ATP6V0A2: variants seen among roughly 807,000 people sequenced by gnomAD.
ATP6V0A2 encodes the protein V-type proton ATPase 116 kDa subunit a 2.
Under a neutral mutation model 104.4 loss-of-function variants are expected in ATP6V0A2, and 58 were observed. The ratio of observed to expected loss-of-function variants is 0.56; its 90% confidence interval spans 0.45 to 0.69. The LOEUF (loss-of-function observed/expected upper bound fraction) is 0.69. Among genes scored for constraint, ATP6V0A2 ranks in the 30% least tolerant of loss-of-function variants. The probability of loss-of-function intolerance (pLI) is 0.00; values close to 1 mark genes in which losing one functional copy is unlikely to be tolerated. For synonymous variants in ATP6V0A2, 376 were observed against 397.9 expected (o/e 0.95, Z 0.65); for missense variants, 938 against 1,062.9 (o/e 0.88, Z 1.63).
At chr12:123,748,447 G>C in intron 14 of ATP6V0A2, 128 bp from the exon 15 acceptor site, 1 of 787,252 alleles carries the variant, frequency 1.3e-6, no homozygotes, top group African/African-American at 1.7e-5. Context: ...GATGTATCTG[G>C]ATTCATCATA....
At chr12:123,734,049 TTCAG>T in intron 7 of ATP6V0A2, 41 bp downstream of exon 7, 5 of 1,499,440 alleles carry the variant, frequency 3.3e-6, no homozygotes, top group Non-Finnish European at 4.6e-6. Context: ...TGTCTTTATA[TTCAG>T]TCACCTCTAG....
rs1239682814 is a variant in ATP6V0A2, at chr12:123,752,280, T to TA, written c.2056-2dup. 6 of 1,614,040 alleles carry TA rather than the reference T, an allele frequency of 3.7e-6. No individual in the cohort carries two copies. In the African/African-American group the frequency reaches 8.0e-5, roughly 22 times the overall value. ...ACTGACTCTGTGCTCTTTTGGTTGT[T>TA]AGAGTGGCTACACACTTATAAGGAA... On this transcript the variant is annotated splice_polypyrimidine_tract_variant and splice_region_variant and intron_variant, in intron 16 of 19. Transcript: ENST00000330342.
intron 1 of ATP6V0A2, among the ~76,000 whole-genome samples, chr12:123,716,788 CAAA>C (rs376468660): frequency 4.6e-4 from 59 of 127,828 alleles, no homozygotes; most frequent in Non-Finnish European, 5.5e-4. Context: ...GATCCTGTCT[CAAA>C]AAAAAAAAAA....
At chr12:123,714,574 C>T (rs1956322167) in intron 1 of ATP6V0A2, among the ~76,000 whole-genome samples, 1 of 152,102 alleles carries the variant, frequency 6.6e-6, no homozygotes, top group Non-Finnish European at 1.5e-5. Flanking sequence ...GAACAGGTTT[C>T]CTCTTTAGTC....
chr12:123,728,446 A>G (rs1301359956), intron 6 of ATP6V0A2, among the ~76,000 whole-genome samples: 1 of 139,900 alleles, frequency 7.1e-6, no homozygotes, highest in Non-Finnish European at 1.5e-5. Flanking sequence ...TGGGGATCTT[A>G]ACTATGCTGC....
intron 16 of ATP6V0A2, 113 bp downstream of exon 16, chr12:123,751,342 C>A: frequency 6.6e-7 from 1 of 1,503,902 alleles, no homozygotes; most frequent in Non-Finnish European, 9.2e-7. Context: ...ATTTAAAAGC[C>A]AAAGCTCCCT....
chr12:123,754,678 C>T, intron 18 of ATP6V0A2, 141 bp downstream of exon 18: 1 of 674,626 alleles, frequency 1.5e-6, no homozygotes, highest in South Asian at 1.6e-5. Flanking sequence ...CTATTCACTA[C>T]TTAATACACA....
At chr12:123,754,142 A>G in intron 17 of ATP6V0A2, 1 of 569,262 alleles carries the variant, frequency 1.8e-6, no homozygotes, top group South Asian at 2.3e-5. Context: ...CCTCTGGTCT[A>G]CCTTCTTGGT....
chr12:123,714,009 C>A (rs1459768533), intron 1 of ATP6V0A2, among the ~76,000 whole-genome samples: 1 of 152,206 alleles, frequency 6.6e-6, no homozygotes, highest in African/African-American at 2.4e-5. Flanking sequence ...TGCAGTTGTA[C>A]CCATTCACCT....
At chr12:123,740,990 G>A (rs1210033933) in intron 9 of ATP6V0A2, among the ~76,000 whole-genome samples, 3 of 151,608 alleles carry the variant, frequency 2.0e-5, no homozygotes, top group Non-Finnish European at 4.4e-5. Context: ...GAAACAGTAA[G>A]TTACAATGGT....
chr12:123,736,014 A>G (rs917776695), intron 8 of ATP6V0A2, among the ~76,000 whole-genome samples: 5 of 151,840 alleles, frequency 3.3e-5, no homozygotes, highest in African/African-American at 1.2e-4. Flanking sequence ...CCGGAATTAC[A>G]GTCACGCACC....
At chr12:123,714,329 C>T (rs1367291424) in intron 1 of ATP6V0A2, among the ~76,000 whole-genome samples, 3 of 152,170 alleles carry the variant, frequency 2.0e-5, no homozygotes, top group African/African-American at 7.2e-5. Flanking sequence ...AAGGTTGCTG[C>T]GATGAGCTCT....
rs200014054 is a variant in ATP6V0A2, at chr12:123,758,045, A to G, written c.*13A>G. ...CAGTGTGGCATGATCATATTGCTGT[A>G]ACCAACAAGCTTTCAGATTTATGGA... On this transcript the variant is annotated 3_prime_UTR_variant, in exon 20 of 20. Transcript: ENST00000330342. The G allele has an allele frequency of 3.7e-5, 57 of 1,534,356 alleles. No homozygotes were observed. In the East Asian group the frequency reaches 1.1e-3, roughly 31 times the overall value.
At chr12:123,721,553 GT>G (rs1473013505) in intron 2 of ATP6V0A2, 7 of 195,648 alleles carry the variant, frequency 3.6e-5, no homozygotes, top group Admixed American at 9.7e-5. Context: ...GCCATCATCA[GT>G]TTTCTTCATG....
rs183351528 is a variant in ATP6V0A2 at position 123,742,772 on chromosome 12, G to A, written c.1039-1013G>A. On this transcript the variant is annotated intron_variant, in intron 9 of 19. Coordinates refer to ENST00000330342, the MANE Select transcript of ATP6V0A2 (RefSeq NM_012463.4). ...AATCGCTTGAACCTGGAAGGCAGAG[G>A]TTGCAGTGAGCCGAGATCACACCAC... Among the ~76,000 whole-genome samples the A allele has an allele frequency of 6.3e-3, 953 of 151,140 alleles. 4 individuals are homozygous for A. Among genetic ancestry groups the A allele is most frequent in the Non-Finnish European group, 0.011 (730 of 67,740 alleles).
At position 123,725,788 on chromosome 12, in the gene ATP6V0A2, G is replaced by T. The variant is rs184810303; in HGVS notation, c.433-409G>T. On this transcript the variant is annotated intron_variant, in intron 4 of 19. Transcript: ENST00000330342. ...GCGACAGAGTGAGACCCTGTACCCT[G>T]TATCTAAAAAAAAAAAAAAAGAAAA... is the stretch of plus-strand genomic sequence containing the variant. Among the ~76,000 whole-genome samples, 591 of 145,094 alleles carry T rather than the reference G, an allele frequency of 4.1e-3. 3 individuals carry two copies. Among genetic ancestry groups the T allele is most frequent in the African/African-American group, 0.014 (548 of 39,362 alleles).
At chr12:123,742,233 C>T (rs1379543358) in intron 9 of ATP6V0A2, among the ~76,000 whole-genome samples, 1 of 152,222 alleles carries the variant, frequency 6.6e-6, no homozygotes, top group Non-Finnish European at 1.5e-5. Flanking sequence ...GGTTTGGCCT[C>T]CTCTGCTTTC....
intron 1 of ATP6V0A2, among the ~76,000 whole-genome samples, chr12:123,716,994 T>C (rs1198219140): frequency 6.6e-6 from 1 of 152,152 alleles, no homozygotes; most frequent in East Asian, 1.9e-4. Flanking sequence ...ATGTGGCTTC[T>C]TGTGTCTGGC....
intron 1 of ATP6V0A2, among the ~76,000 whole-genome samples, chr12:123,716,213 C>T (rs1019391546): frequency 2.6e-5 from 4 of 151,838 alleles, no homozygotes; most frequent in South Asian, 4.2e-4. Flanking sequence ...ATCACAGGCG[C>T]GCGCCACCAC....
Sources: gnomAD v4.1 joint callset for allele counts (sites outside exome capture counted in the v4.1 genomes callset) on GRCh38, gnomAD v4.1.1 for gene constraint, MANE v1.5 for transcripts, NCBI Gene and HGNC (gene_info 2026-07-23, HGNC 2026-07-21) for gene names.